The following PIK3AP1 variants were observed in gnomAD, a reference collection of about 807,000 sequenced individuals.
PIK3AP1 encodes the protein phosphoinositide-3-kinase adaptor protein 1, also known as phosphoinositide 3-kinase adapter protein 1.
PIK3AP1 carries 21 observed loss-of-function variants against 88.1 expected under a neutral mutation model. That is an observed-to-expected ratio of 0.24 (90% CI 0.17 to 0.34). The LOEUF is 0.34. Among genes scored for constraint, PIK3AP1 ranks in the 10% least tolerant of loss-of-function variants. The pLI, the probability that PIK3AP1 is intolerant of heterozygous loss-of-function variation, is 1.00. For synonymous variants in PIK3AP1, 398 were observed against 400.0 expected (o/e 1.00, Z 0.06); for missense variants, 828 against 1,035.7 (o/e 0.80, Z 2.75).
intron 7 of PIK3AP1, among the ~76,000 whole-genome samples, chr10:96,647,846 G>T (rs190968114): frequency 6.6e-6 from 1 of 152,298 alleles, no homozygotes; most frequent in African/African-American, 2.4e-5. Context: ...TGTGAAGAAG[G>T]AGGAAAACCA....
chr10:96,677,240 C>T (rs1843935764), intron 2 of PIK3AP1, among the ~76,000 whole-genome samples: 1 of 152,172 alleles, frequency 6.6e-6, no homozygotes, highest in African/African-American at 2.4e-5. Flanking sequence ...CAGTAACTAG[C>T]CTCAACACAA....
intron 12 of PIK3AP1, among the ~76,000 whole-genome samples, chr10:96,617,074 T>C (rs377344176): frequency 6.6e-5 from 10 of 152,218 alleles, no homozygotes; most frequent in African/African-American, 2.4e-4. Flanking sequence ...TTCATGGATG[T>C]TGGTTCTTCT....
intron 1 of PIK3AP1, among the ~76,000 whole-genome samples, chr10:96,711,912 G>A (rs984187845): frequency 2.6e-5 from 4 of 151,152 alleles, no homozygotes; most frequent in Non-Finnish European, 4.4e-5. Flanking sequence ...CATCACGCCC[G>A]GCTAATTTTT....
rs777298829 is a variant in PIK3AP1 at position 96,709,712 on chromosome 10, C to G, written c.285G>C (p.Pro95=). 5 of 1,614,220 alleles carry G rather than the reference C, an allele frequency of 3.1e-6. No individual in the cohort carries two copies. The highest frequency in any genetic ancestry group is 4.2e-6 in the Non-Finnish European group (5 of 1,180,036). The change falls in exon 2 of 17, where the codon CCG becomes CCC. Residue 95 remains proline, a synonymous_variant. Coordinates refer to ENST00000339364, the MANE Select transcript of PIK3AP1 (RefSeq NM_152309.3). The part of the protein sequence containing the change: ...LPLLQRAFHP[P]HRVVRLLCGV... ...CGCAGAGCAGCCTGACCACGCGGTG[C>G]GGAGGATGGAAAGCTCTCTGCAGCA...
At chr10:96,618,092 T>C (rs1157708206) in intron 12 of PIK3AP1, among the ~76,000 whole-genome samples, 3 of 152,112 alleles carry the variant, frequency 2.0e-5, no homozygotes, top group African/African-American at 4.8e-5. Context: ...GGCTAGAGGC[T>C]CTCAGGGAAC....
intron 2 of PIK3AP1, among the ~76,000 whole-genome samples, chr10:96,701,954 T>C (rs1251250670): frequency 6.6e-6 from 1 of 152,180 alleles, no homozygotes; most frequent in Non-Finnish European, 1.5e-5. Flanking sequence ...AGTTACACAA[T>C]GGAATATTTT....
chr10:96,652,730 T>G lies in PIK3AP1; in HGVS notation c.680A>C (p.Glu227Ala). ...CTTCACTGAAATGGTGTACTCATTC[T>G]CCACCTTGGCTTCCATCCTTACAGA... ...SPSVRMEAKV[E>A]NEYTISVKAP... is the part of the protein sequence containing the mutation. Residue 227 changes from glutamate (E) to alanine (A), a missense_variant, in exon 4 of 17, where the codon GAG becomes GCG. Glu to Ala is a moderately radical substitution (Grantham distance 107, BLOSUM62 -1). Around this residue, in one of 3 missense-constraint regions of PIK3AP1, gnomAD observed 610 missense variants for 760.1 expected, o/e 0.80. Coordinates refer to ENST00000339364, the MANE Select transcript of PIK3AP1 (RefSeq NM_152309.3). 2.5e-6 allele frequency: 4 copies of G among 1,614,182 alleles called. No individual in the cohort carries two copies. The highest frequency in any genetic ancestry group is 3.4e-6 in the Non-Finnish European group (4 of 1,180,022).
intron 1 of PIK3AP1, among the ~76,000 whole-genome samples, chr10:96,716,597 T>G (rs961504673): frequency 1.4e-4 from 21 of 152,228 alleles, no homozygotes; most frequent in African/African-American, 5.1e-4. Context: ...CTTTCTGATG[T>G]GCTGGGTAAC....
chr10:96,720,210 G>C lies in PIK3AP1; in HGVS notation c.13+172C>G, dbSNP rs575032918. On this transcript the variant is annotated intron_variant, in intron 1 of 16. Coordinates refer to ENST00000339364, the MANE Select transcript of PIK3AP1 (RefSeq NM_152309.3). The surrounding 1 kb of genome is among the most constrained non-coding windows in gnomAD (Gnocchi z 4.6). The stretch of plus-strand genomic sequence containing the variant: ...CGCCACAGGCTGGGACGGGAAACGT[G>C]GGAAAGTTGGAGTGGGAAGTTTGCG... Among the ~76,000 whole-genome samples, 14 of 152,326 alleles carry C rather than the reference G, an allele frequency of 9.2e-5. No individual in the cohort carries two copies. The highest frequency in any genetic ancestry group is 3.4e-3 in the Middle Eastern group (1 of 294).
At chr10:96,604,318 C>T (rs952936411) in intron 14 of PIK3AP1, among the ~76,000 whole-genome samples, 1 of 147,264 alleles carries the variant, frequency 6.8e-6, no homozygotes, top group Admixed American at 6.8e-5. Flanking sequence ...GCTGGGACTA[C>T]AGGTGTGTGC....
chr10:96,688,348 A>G (rs773868647), intron 2 of PIK3AP1, among the ~76,000 whole-genome samples: 40 of 152,210 alleles, frequency 2.6e-4, no homozygotes, highest in Non-Finnish European at 4.6e-4. Context: ...TTAGCACTTG[A>G]TACTATCTCA....
rs562494094 is a variant in PIK3AP1 at position 96,648,812 on chromosome 10, C to A, written c.1032G>T (p.Ala344=). ...EELPTLLHFA[A]KYGLKNLTAL... ...CAGTGAGGTTCTTCAGTCCATACTT[C>A]GCAGCAAAATGCAACAGGGTGGGCA... is the stretch of plus-strand genomic sequence containing the variant. The change falls in exon 7 of 17, where the codon GCG becomes GCT. Residue 344 remains alanine, a synonymous_variant. Coordinates refer to ENST00000339364, the MANE Select transcript of PIK3AP1 (RefSeq NM_152309.3). The A allele has an allele frequency of 5.0e-6, 8 of 1,596,638 alleles. No individual in the cohort carries two copies. In the African/African-American group the frequency reaches 1.1e-4, roughly 22 times the overall value.
chr10:96,603,838 T>G, intron 15 of PIK3AP1, 141 bp downstream of exon 15: 1 of 784,554 alleles, frequency 1.3e-6, no homozygotes, highest in Non-Finnish European at 1.9e-6. Context: ...TCTCTGTGGA[T>G]TTGCCCACTC....
At chr10:96,651,963 G>A (rs769889374) in intron 4 of PIK3AP1, among the ~76,000 whole-genome samples, 3 of 152,150 alleles carry the variant, frequency 2.0e-5, no homozygotes, top group Non-Finnish European at 4.4e-5. Context: ...GAAAATTCGG[G>A]TTTAAGGCAC....
intron 8 of PIK3AP1, among the ~76,000 whole-genome samples, chr10:96,628,885 T>TATAA (rs1843193184): frequency 5.4e-5 from 2 of 36,794 alleles, no homozygotes; most frequent in African/African-American, 2.4e-4. Context: ...CATATATATA[T>TATAA]ATACATATAT....
At chr10:96,644,584 A>G (rs1843434687) in intron 8 of PIK3AP1, among the ~76,000 whole-genome samples, 1 of 152,192 alleles carries the variant, frequency 6.6e-6, no homozygotes, top group Non-Finnish European at 1.5e-5. Context: ...GTCAAAAGGC[A>G]TTACTTTTGC....
intron 8 of PIK3AP1, among the ~76,000 whole-genome samples, chr10:96,637,177 G>A (rs1375129840): frequency 6.6e-6 from 1 of 152,090 alleles, no homozygotes; most frequent in Non-Finnish European, 1.5e-5. Flanking sequence ...AGAGAACCTG[G>A]AACACAATGG....
rs187104661 is a variant in PIK3AP1, at chr10:96,685,099, C to T, written c.430+24468G>A. On this transcript the variant is annotated intron_variant, in intron 2 of 16. Coordinates refer to ENST00000339364, the MANE Select transcript of PIK3AP1 (RefSeq NM_152309.3). ...TTTGGTTATCTTCTGTAAACTTATA[C>T]TGCTTTTGAAAAATATAAATAAATA... Among the ~76,000 whole-genome samples the T allele has an allele frequency of 1.4e-4, 21 of 152,338 alleles. 1 individual carries two copies. The East Asian group carries it at 3.9e-3, about 28-fold the overall frequency.
chr10:96,638,013 TG>T (rs1843335547), intron 8 of PIK3AP1, among the ~76,000 whole-genome samples: 1 of 152,192 alleles, frequency 6.6e-6, no homozygotes, highest in Non-Finnish European at 1.5e-5. Context: ...CTACGTACTT[TG>T]GACTTCTGAG....
Sources: gnomAD v4.1 joint callset for allele counts (sites outside exome capture counted in the v4.1 genomes callset) on GRCh38, gnomAD v4.1.1 for gene constraint, gnomAD v4.1.1 regional missense constraint, Gnocchi (gnomAD v3.1) non-coding constraint, MANE v1.5 for transcripts, NCBI Gene and HGNC (gene_info 2026-07-23, HGNC 2026-07-21) for gene names.